SLC4A5: variants seen among roughly 807,000 people sequenced by gnomAD.
SLC4A5 encodes the protein solute carrier family 4 member 5, also known as electrogenic sodium bicarbonate cotransporter 4.
SLC4A5 carries 96 observed loss-of-function variants against 120.4 expected under a neutral mutation model. That is an observed-to-expected ratio of 0.80 (90% CI 0.68 to 0.94). The LOEUF (loss-of-function observed/expected upper bound fraction) is 0.94, where lower values mean the gene tolerates loss of function less well. SLC4A5 is among the 40% of genes least tolerant of loss of function. The probability of loss-of-function intolerance (pLI) is 0.00; values close to 1 mark genes in which losing one functional copy is unlikely to be tolerated. For missense variants in SLC4A5, 1,259 were observed against 1,459.5 expected (o/e 0.86, Z 2.24); for synonymous variants, 550 against 571.1 (o/e 0.96, Z 0.53).
chr2:74,227,498 G>T, intron 26 of SLC4A5: 1 of 1,607,802 alleles, frequency 6.2e-7, no homozygotes. Context: ...AAGAGAGAGA[G>T]GTACAGTGAA....
exon 22 of SLC4A5, chr2:74,235,154 C>T (rs1418983768): frequency 6.2e-6 from 10 of 1,614,018 alleles, no homozygotes; most frequent in South Asian, 1.1e-5. Context: ...AAACAGGCAT[C>T]GATTCCACAG....
At chr2:74,227,757 A>G (rs1184496733) in intron 26 of SLC4A5, 53 bp downstream of exon 26, 3 of 1,492,468 alleles carry the variant, frequency 2.0e-6, no homozygotes, top group Admixed American at 2.1e-5. Flanking sequence ...ACATGGAACC[A>G]GACATGGAAT....
chr2:74,234,823 T>C (rs955837640), intron 22 of SLC4A5, among the ~76,000 whole-genome samples: 8 of 152,156 alleles, frequency 5.3e-5, no homozygotes, highest in African/African-American at 1.9e-4. Context: ...GACACTCAAA[T>C]AGGAATCAAG....
chr2:74,319,681 C>T (rs1673050040), intron 5 of SLC4A5, among the ~76,000 whole-genome samples: 2 of 152,134 alleles, frequency 1.3e-5, no homozygotes, highest in Admixed American at 1.3e-4. Flanking sequence ...CTCTCTCTCT[C>T]TCTCCCCATT....
chr2:74,313,333 C>T (rs1470194496), intron 6 of SLC4A5, among the ~76,000 whole-genome samples: 1 of 152,192 alleles, frequency 6.6e-6, no homozygotes, highest in Admixed American at 6.5e-5. Flanking sequence ...TCAAATAACG[C>T]TATACTGTTT....
At chr2:74,341,062 T>C (rs1281942364) in intron 2 of SLC4A5, among the ~76,000 whole-genome samples, 3 of 152,090 alleles carry the variant, frequency 2.0e-5, no homozygotes, top group Non-Finnish European at 4.4e-5. Flanking sequence ...CTCAACACTT[T>C]GGGAGGCCGA....
intron 5 of SLC4A5, among the ~76,000 whole-genome samples, chr2:74,321,561 T>C (rs534328921): frequency 4.6e-5 from 7 of 152,172 alleles, no homozygotes; most frequent in Non-Finnish European, 7.4e-5. Flanking sequence ...GTGACCCAGA[T>C]GTGGTTACTG....
At chr2:74,330,740 G>A (rs1295404458) in intron 4 of SLC4A5, among the ~76,000 whole-genome samples, 2 of 130,020 alleles carry the variant, frequency 1.5e-5, no homozygotes, top group Non-Finnish European at 1.7e-5. Flanking sequence ...GGTGGTGGCA[G>A]TGAGGTCTAT....
intron 18 of SLC4A5, among the ~76,000 whole-genome samples, chr2:74,247,892 A>C (rs965316290): frequency 6.6e-6 from 1 of 152,174 alleles, no homozygotes. Flanking sequence ...AGTTGGTAAC[A>C]GACACCAGAG....
At chr2:74,226,025 G>A (rs1314295956) in intron 27 of SLC4A5, among the ~76,000 whole-genome samples, 1 of 152,188 alleles carries the variant, frequency 6.6e-6, no homozygotes, top group Non-Finnish European at 1.5e-5. Context: ...TGAGGCCCCT[G>A]AGGGCACTGG....
chr2:74,233,902 G>C (rs569984867), intron 22 of SLC4A5, among the ~76,000 whole-genome samples: 1 of 152,294 alleles, frequency 6.6e-6, no homozygotes, highest in South Asian at 2.1e-4. Flanking sequence ...AGGCCCAGCA[G>C]AAAAGAATAA....
exon 18 of SLC4A5, chr2:74,248,474 T>C (rs757792631): frequency 8.7e-6 from 14 of 1,613,866 alleles, no homozygotes; most frequent in South Asian, 7.7e-5. Flanking sequence ...CCCAGGAAGC[T>C]CTCCATCACT....
At chr2:74,262,323 G>T in intron 10 of SLC4A5, 91 bp from the exon 11 acceptor site, 1 of 900,044 alleles carries the variant, frequency 1.1e-6, no homozygotes, top group Non-Finnish European at 1.7e-6. Context: ...AAATAAAACT[G>T]GGTGGCAAGA....
intron 5 of SLC4A5, among the ~76,000 whole-genome samples, chr2:74,317,352 GT>G (rs34429934): frequency 0.14 from 20,541 of 150,636 alleles, 1,803 homozygotes; most frequent in East Asian, 0.47. Context: ...GGAACAGATA[GT>G]TTTTTTTTTA....
chr2:74,287,513 C>T (rs1672020585), intron 7 of SLC4A5, among the ~76,000 whole-genome samples: 1 of 152,136 alleles, frequency 6.6e-6, no homozygotes. Flanking sequence ...GTAACAGCTG[C>T]TTAGCCCCTC....
intron 30 of SLC4A5, among the ~76,000 whole-genome samples, chr2:74,220,654 C>A (rs1694605658): frequency 6.7e-6 from 1 of 150,300 alleles, no homozygotes; most frequent in South Asian, 2.1e-4. Context: ...GTAGCTGGGA[C>A]TACAGGCGCC....
chr2:74,319,695 T>C (rs1423514030), intron 5 of SLC4A5, among the ~76,000 whole-genome samples: 2 of 152,192 alleles, frequency 1.3e-5, no homozygotes, highest in Non-Finnish European at 2.9e-5. Flanking sequence ...CCCCATTCAC[T>C]GATTGAACAT....
intron 4 of SLC4A5, among the ~76,000 whole-genome samples, chr2:74,333,504 A>G (rs1052643216): frequency 1.3e-5 from 2 of 152,246 alleles, no homozygotes; most frequent in African/African-American, 4.8e-5. Context: ...ACAATAAAAA[A>G]TAATACTCCC....
chr2:74,297,577 GTGCAACCACATTTCTAAAGC>G (rs1672370391), intron 7 of SLC4A5, among the ~76,000 whole-genome samples: 1 of 152,206 alleles, frequency 6.6e-6, no homozygotes, highest in South Asian at 2.1e-4. Context: ...AAAAGTGGAA[GTGCAACCACATTTCTAAAGC>G]TGCTTCTAAT....
Sources: gnomAD v4.1 joint callset for allele counts (sites outside exome capture counted in the v4.1 genomes callset) on GRCh38, gnomAD v4.1.1 for gene constraint, MANE v1.5 for transcripts, NCBI Gene and HGNC (gene_info 2026-07-23, HGNC 2026-07-21) for gene names.